The following PTPRM variants were observed in gnomAD, a reference collection of about 807,000 sequenced individuals.
The protein encoded by PTPRM is protein tyrosine phosphatase receptor type M.
A neutral mutation model predicts 186.7 loss-of-function variants in PTPRM; 47 were observed. The observed-to-expected ratio is 0.25, with a 90% CI of 0.20 to 0.32. The LOEUF (loss-of-function observed/expected upper bound fraction) is 0.32. PTPRM is among the 10% of genes least tolerant of loss of function. The pLI is 1.00. For missense variants in PTPRM, 1,494 were observed against 1,865.0 expected, an observed-to-expected ratio of 0.80 and a Z score of 3.66; for synonymous variants, 668 against 674.9, an observed-to-expected ratio of 0.99 and a Z score of 0.16.
intron 22 of PTPRM, among the ~76,000 whole-genome samples, chr18:8,339,441 C>A (rs919103705): frequency 6.6e-6 from 1 of 152,120 alleles, no homozygotes; most frequent in Non-Finnish European, 1.5e-5. Context: ...TGCAGTGGCT[C>A]CCCCCCAGCC....
At chr18:7,784,483 C>T (rs2043005566) in intron 2 of PTPRM, among the ~76,000 whole-genome samples, 4 of 152,176 alleles carry the variant, frequency 2.6e-5, no homozygotes, top group Admixed American at 2.6e-4. Context: ...ATCCCACCAC[C>T]TTACCCACCA....
intron 1 of PTPRM, among the ~76,000 whole-genome samples, chr18:7,669,473 C>T (rs1012027684): frequency 2.0e-5 from 3 of 152,098 alleles, no homozygotes; most frequent in African/African-American, 7.2e-5. Flanking sequence ...GCATTGATTG[C>T]CATAGCTCAG....
At chr18:8,330,991 A>T (rs1326629550) in intron 22 of PTPRM, among the ~76,000 whole-genome samples, 1 of 151,998 alleles carries the variant, frequency 6.6e-6, no homozygotes, top group Admixed American at 6.6e-5. Flanking sequence ...CCCCCATTTT[A>T]TTCTTTTCTA....
intron 1 of PTPRM, among the ~76,000 whole-genome samples, chr18:7,738,013 A>G (rs1372128399): frequency 6.6e-6 from 1 of 152,124 alleles, no homozygotes; most frequent in Non-Finnish European, 1.5e-5. Context: ...TGCTTTATCA[A>G]TATGTTTTGC....
At chr18:8,229,667 T>C (rs1425886447) in intron 14 of PTPRM, among the ~76,000 whole-genome samples, 2 of 152,200 alleles carry the variant, frequency 1.3e-5, no homozygotes, top group African/African-American at 4.8e-5. Flanking sequence ...GGTTTTGAGG[T>C]GATCATAGAT....
At chr18:7,599,632 G>A (rs924855210) in intron 1 of PTPRM, among the ~76,000 whole-genome samples, 1 of 152,132 alleles carries the variant, frequency 6.6e-6, no homozygotes, top group Non-Finnish European at 1.5e-5. Flanking sequence ...AGGATCATCT[G>A]GGGGTGCTTA....
At chr18:8,396,875 T>C (rs2095847674) in intron 32 of PTPRM, among the ~76,000 whole-genome samples, 1 of 152,238 alleles carries the variant, frequency 6.6e-6, no homozygotes, top group Non-Finnish European at 1.5e-5. Context: ...CAGAACTGAA[T>C]AGGACCTGTT....
At chr18:7,995,696 T>G (rs2083495870) in intron 7 of PTPRM, 1 of 152,178 alleles carries the variant, frequency 6.6e-6, no homozygotes, top group Admixed American at 6.5e-5. Flanking sequence ...TGACTCTTGG[T>G]GTTGCTTCAC....
At chr18:7,851,670 C>T (rs553483195) in intron 2 of PTPRM, among the ~76,000 whole-genome samples, 8 of 151,438 alleles carry the variant, frequency 5.3e-5, no homozygotes, top group Non-Finnish European at 1.2e-4. Context: ...CAATTAATTA[C>T]CAGCAGAATT....
intron 19 of PTPRM, among the ~76,000 whole-genome samples, chr18:8,271,525 TA>T (rs1260531321): frequency 1.3e-5 from 2 of 152,148 alleles, no homozygotes; most frequent in Middle Eastern, 3.4e-3. Flanking sequence ...ATCTGCTTTT[TA>T]AAATGAGTGG....
intron 7 of PTPRM, among the ~76,000 whole-genome samples, chr18:8,017,582 C>CAAAA (rs71354586): frequency 0.078 from 5,040 of 64,390 alleles, 386 homozygotes; most frequent in Non-Finnish European, 0.094. Context: ...GACTCCTTCT[C>CAAAA]AAAAAAAAAA....
chr18:8,247,649 G>A lies in PTPRM; in HGVS notation c.2453-196G>A, dbSNP rs187043867. Reference sequence around the variant, plus strand: ...GGGGTAAGAAAAGTCTTTAAGTGACGAAAGGTTGCTTGTCTTCTAAAGGAT... The same window carrying A: ...GGGGTAAGAAAAGTCTTTAAGTGACAAAAGGTTGCTTGTCTTCTAAAGGAT... On this transcript the variant is annotated intron_variant, in intron 15 of 32. Coordinates refer to ENST00000580170, the MANE Select transcript of PTPRM (RefSeq NM_001105244.2). Among the ~76,000 whole-genome samples, 197 of 152,258 alleles carry A rather than the reference G, an allele frequency of 1.3e-3. 3 individuals are homozygous for A. The highest frequency in any genetic ancestry group is 3.1e-3 in the Admixed American group (47 of 15,304).
chr18:8,107,170 A>T (rs375469520), intron 11 of PTPRM, among the ~76,000 whole-genome samples: 2 of 152,342 alleles, frequency 1.3e-5, no homozygotes, highest in East Asian at 3.9e-4. Flanking sequence ...TGAGATGATT[A>T]AATTGTGTTA....
At chr18:8,095,300 G>A (rs910607417) in intron 11 of PTPRM, among the ~76,000 whole-genome samples, 5 of 152,076 alleles carry the variant, frequency 3.3e-5, no homozygotes, top group South Asian at 2.1e-4. Flanking sequence ...CTTGACAGAC[G>A]GCTGTTGTTC....
intron 22 of PTPRM, among the ~76,000 whole-genome samples, chr18:8,340,756 AG>A (rs1024875788): frequency 6.6e-6 from 1 of 152,212 alleles, no homozygotes; most frequent in Non-Finnish European, 1.5e-5. Flanking sequence ...TTATACTGGA[AG>A]ACGAAGCCGA....
intron 1 of PTPRM, among the ~76,000 whole-genome samples, chr18:7,683,066 C>G (rs2039515684): frequency 6.6e-6 from 1 of 151,850 alleles, no homozygotes; most frequent in Non-Finnish European, 1.5e-5. Context: ...CTTAGTGTCT[C>G]TGAGTAATCA....
At chr18:7,599,472 CCAG>C (rs1169038057) in intron 1 of PTPRM, among the ~76,000 whole-genome samples, 1 of 152,112 alleles carries the variant, frequency 6.6e-6, no homozygotes, top group Non-Finnish European at 1.5e-5. Flanking sequence ...TTCCACTATC[CCAG>C]CTTTTGCTGG....
intron 14 of PTPRM, among the ~76,000 whole-genome samples, chr18:8,219,727 A>ACAAAACTTGGTCT (rs1314162760): frequency 6.6e-6 from 1 of 152,208 alleles, no homozygotes; most frequent in African/African-American, 2.4e-5. Context: ...GGTTAAAGGA[A>ACAAAACTTGGTCT]CAAAACTTGG....
chr18:7,662,073 G>A (rs866113538), intron 1 of PTPRM, among the ~76,000 whole-genome samples: 6 of 151,864 alleles, frequency 4.0e-5, no homozygotes, highest in Non-Finnish European at 7.4e-5. Flanking sequence ...GGGTGCCACC[G>A]GTGGGTGCCA....
Sources: gnomAD v4.1 joint callset for allele counts (sites outside exome capture counted in the v4.1 genomes callset) on GRCh38, gnomAD v4.1.1 for gene constraint, MANE v1.5 for transcripts, NCBI Gene and HGNC (gene_info 2026-07-23, HGNC 2026-07-21) for gene names.